The following RAB21 variants were observed in gnomAD, a reference collection of about 807,000 sequenced individuals.
RAB21 encodes the protein ras-related protein Rab-21.
In RAB21, 13 loss-of-function variants were observed where a neutral mutation model predicts 33.1. The ratio of observed to expected loss-of-function variants is 0.39; its 90% CI spans 0.26 to 0.62. RAB21 has a LOEUF of 0.62. RAB21 is among the 20% of genes least tolerant of loss of function. The probability of loss-of-function intolerance (pLI) is 0.48; values close to 1 mark genes in which losing one functional copy is unlikely to be tolerated. For synonymous variants in RAB21, 91 were observed against 103.7 expected (o/e 0.88, Z 0.74); for missense variants, 234 against 279.1 (o/e 0.84, Z 1.15).
At chr12:71,766,973 A>G (rs913643969) in intron 1 of RAB21, among the ~76,000 whole-genome samples, 3 of 152,308 alleles carry the variant, frequency 2.0e-5, no homozygotes, top group South Asian at 2.1e-4. Context: ...CCCAACTTTT[A>G]TAAAGAAGCA....
At chr12:71,769,901 C>CT (rs1883016034) in intron 2 of RAB21, 42 bp downstream of exon 2, 1 of 1,102,970 alleles carries the variant, frequency 9.1e-7, no homozygotes, top group Non-Finnish European at 1.2e-6. Flanking sequence ...AGGCTTCTTC[C>CT]TTTTTTCTTT....
chr12:71,764,350 C>T (rs537666361), intron 1 of RAB21, among the ~76,000 whole-genome samples: 1 of 152,300 alleles, frequency 6.6e-6, no homozygotes, highest in South Asian at 2.1e-4. Context: ...ATTATTATAA[C>T]TACAGTGGTA....
intron 1 of RAB21, among the ~76,000 whole-genome samples, chr12:71,757,096 AT>A (rs1192294761): frequency 6.6e-6 from 1 of 152,148 alleles, no homozygotes; most frequent in Non-Finnish European, 1.5e-5. Flanking sequence ...AAAGAAAACT[AT>A]TGTAATTGAG....
At chr12:71,758,754 C>T (rs1159394563) in intron 1 of RAB21, among the ~76,000 whole-genome samples, 1 of 152,094 alleles carries the variant, frequency 6.6e-6, no homozygotes, top group African/African-American at 2.4e-5. Context: ...GCTGAAATTA[C>T]AGGTATGAGC....
chr12:71,755,401 C>G, intron 1 of RAB21, 113 bp downstream of exon 1: 1 of 1,241,216 alleles, frequency 8.1e-7, no homozygotes, highest in Non-Finnish European at 1.1e-6. Flanking sequence ...TCAGGCCTGT[C>G]ATCTCCGCCT....
In RAB21 at chr12:71,793,355, C is replaced by G. The variant is rs573891175; in HGVS notation, c.*7682C>G. ...TTTAAGAGTGTGGGTCCCTTTTTTT[C>G]TATCTGAAATTGAAGATACAGGTCA... On this transcript the variant is annotated 3_prime_UTR_variant, in exon 7 of 7. Coordinates refer to ENST00000261263, the MANE Select transcript of RAB21 (RefSeq NM_014999.4). 1.3e-5 allele frequency: 2 copies of G among 152,066 alleles called. No homozygotes were observed. The highest frequency in any genetic ancestry group is 3.9e-4 in the East Asian group (2 of 5,186). 9.4% of individuals were successfully genotyped at this position (152,066 alleles called of 1,614,324 possible).
At chr12:71,758,079 C>A (rs1258345297) in intron 1 of RAB21, among the ~76,000 whole-genome samples, 1 of 151,752 alleles carries the variant, frequency 6.6e-6, no homozygotes, top group African/African-American at 2.4e-5. Flanking sequence ...ATCACCCAGG[C>A]TGGAGTGGAG....
chr12:71,760,124 A>C (rs1287258436), intron 1 of RAB21, among the ~76,000 whole-genome samples: 1 of 152,256 alleles, frequency 6.6e-6, no homozygotes, highest in Non-Finnish European at 1.5e-5. Context: ...AATTATTTTG[A>C]GAACTCATGC....
intron 4 of RAB21, among the ~76,000 whole-genome samples, chr12:71,777,732 G>A (rs1038284534): frequency 6.6e-6 from 1 of 151,932 alleles, no homozygotes; most frequent in African/African-American, 2.4e-5. Context: ...TTTTTTATGT[G>A]GCCTACCTTC....
Position 71,774,890 on chromosome 12 carries a change from T to G in RAB21, c.391+868T>G, listed in dbSNP as rs117106571. 3.3e-3 allele frequency among the ~76,000 whole-genome samples: 510 copies of G among 152,336 alleles called. 6 individuals are homozygous for G. Among genetic ancestry groups the G allele is most frequent in the Middle Eastern group, 3.4e-3 (1 of 294 alleles). ...TCAAGTTTCCCAGCCTTGCTTCAAT[T>G]TGACCTTTCTTTTTCACTGTATGAT... On this transcript the variant is annotated intron_variant, in intron 4 of 6. Coordinates refer to ENST00000261263, the MANE Select transcript of RAB21 (RefSeq NM_014999.4).
intron 1 of RAB21, among the ~76,000 whole-genome samples, chr12:71,762,139 C>T (rs1227394670): frequency 6.6e-6 from 1 of 152,180 alleles, no homozygotes; most frequent in Non-Finnish European, 1.5e-5. Context: ...ATCTGACTGC[C>T]ATTTTCTGCT....
intron 4 of RAB21, among the ~76,000 whole-genome samples, chr12:71,780,317 A>G (rs1883179199): frequency 1.3e-5 from 2 of 152,180 alleles, no homozygotes; most frequent in Admixed American, 6.5e-5. Context: ...TTGAAGCAAA[A>G]TTAATATTGC....
chr12:71,787,609 C>G lies in RAB21; in HGVS notation c.*1936C>G, dbSNP rs1411031838. 1 of 152,122 alleles carries G rather than the reference C, an allele frequency of 6.6e-6. No homozygotes were observed. The highest frequency in any genetic ancestry group is 1.5e-5 in the Non-Finnish European group (1 of 68,030). The allele number at this position is 152,122 out of a possible 1,614,324, so 9.4% of individuals were successfully genotyped here. A position where few individuals can be genotyped will look rare whatever the true frequency, so the allele number is the denominator to read the frequency against. On this transcript the variant is annotated 3_prime_UTR_variant, in exon 7 of 7. Transcript: ENST00000261263. Reference sequence around the variant, plus strand: ...GTTAAAAGTTGAATGAATTGACACCCTGATGTTATGATGTTGGAATTTTAA... The same window carrying G: ...GTTAAAAGTTGAATGAATTGACACCGTGATGTTATGATGTTGGAATTTTAA...
intron 3 of RAB21, among the ~76,000 whole-genome samples, chr12:71,773,076 G>A (rs1178593026): frequency 1.3e-5 from 2 of 152,208 alleles, no homozygotes; most frequent in Non-Finnish European, 2.9e-5. Context: ...ATTACATCCA[G>A]ATTAAATTTC....
intron 1 of RAB21, among the ~76,000 whole-genome samples, chr12:71,767,275 C>T (rs1032349195): frequency 1.3e-5 from 2 of 151,980 alleles, no homozygotes; most frequent in African/African-American, 4.8e-5. Flanking sequence ...TTTAAATTTG[C>T]CGTGGGAGAG....
chr12:71,787,181 C>A lies in RAB21; in HGVS notation c.*1508C>A, dbSNP rs1174541734. On this transcript the variant is annotated 3_prime_UTR_variant, in exon 7 of 7. Transcript: ENST00000261263. ...GTGGATGGAAACATTACATGTAATGCAGATATAGTGAACACTGGAAAGATT... is the reference window on the plus strand; with the variant it reads ...GTGGATGGAAACATTACATGTAATGAAGATATAGTGAACACTGGAAAGATT... 2.6e-5 allele frequency: 4 copies of A among 152,142 alleles called. No individual in the cohort carries two copies. Among genetic ancestry groups the A allele is most frequent in the Middle Eastern group, 3.2e-3 (1 of 316 alleles). The allele number at this position is 152,142 out of a possible 1,614,324, so 9.4% of individuals were successfully genotyped here.
rs1285553895 is a variant in RAB21 at position 71,787,117 on chromosome 12, ATGTTC to A, written c.*1449_*1453del. On this transcript the variant is annotated 3_prime_UTR_variant, in exon 7 of 7. Transcript: ENST00000261263. The stretch of plus-strand genomic sequence containing the variant: ...ATTGCTTGCCAGAGATGAACACAGA[ATGTTC>A]TGTTTCATTTTACAAGAACTATCCT... 6.6e-6 allele frequency: 1 copy of A among 152,214 alleles called. No individual in the cohort carries two copies. Among genetic ancestry groups the A allele is most frequent in the Non-Finnish European group, 1.5e-5 (1 of 68,030 alleles). The allele number at this position is 152,214 out of a possible 1,614,324, so 9.4% of individuals were successfully genotyped here. A position where few individuals can be genotyped will look rare whatever the true frequency, so the allele number is the denominator to read the frequency against.
intron 4 of RAB21, among the ~76,000 whole-genome samples, chr12:71,779,753 C>A (rs1008697108): frequency 6.6e-6 from 1 of 152,050 alleles, no homozygotes; most frequent in Non-Finnish European, 1.5e-5. Flanking sequence ...GTTTTTAATT[C>A]TTTATAGTAC....
chr12:71,789,297 GTTTATTTC>G lies in RAB21; in HGVS notation c.*3629_*3636del, dbSNP rs896672616. The G allele has an allele frequency of 6.6e-6, 1 of 151,904 alleles. No individual in the cohort carries two copies. The highest frequency in any genetic ancestry group is 2.4e-5 in the African/African-American group (1 of 41,392). The allele number at this position is 151,904 out of a possible 1,614,324, so 9.4% of individuals were successfully genotyped here. ...CATTTTAAAAATGGATTGTGATACT[GTTTATTTC>G]TTTAATTATATAATTTGCAATTTTC... On this transcript the variant is annotated 3_prime_UTR_variant, in exon 7 of 7. Coordinates refer to ENST00000261263, the MANE Select transcript of RAB21 (RefSeq NM_014999.4).
Sources: allele counts gnomAD v4.1 joint callset (sites outside exome capture counted in the v4.1 genomes callset), GRCh38; gene constraint gnomAD v4.1.1; transcripts MANE v1.5; gene names NCBI Gene and HGNC (gene_info 2026-07-23, HGNC 2026-07-21).